The following BRINP1 variants were observed in gnomAD, a reference collection of about 807,000 sequenced individuals.
The protein encoded by BRINP1 is BMP/retinoic acid inducible neural specific 1.
A neutral mutation model predicts 72.9 loss-of-function variants in BRINP1; 17 were observed. That is an observed-to-expected ratio of 0.23 (90% CI 0.16 to 0.35). The LOEUF (loss-of-function observed/expected upper bound fraction) is 0.35, where lower values mean the gene tolerates loss of function less well. BRINP1 is among the 10% of genes least tolerant of loss of function. The pLI, the probability that BRINP1 is intolerant of heterozygous loss-of-function variation, is 1.00. For synonymous variants in BRINP1, 418 were observed against 378.5 expected, an observed-to-expected ratio of 1.10 and a Z score of -1.21; for missense variants, 850 against 1,001.6, an observed-to-expected ratio of 0.85 and a Z score of 2.04.
intron 2 of BRINP1, among the ~76,000 whole-genome samples, chr9:119,312,609 A>C (rs1051076086): frequency 6.6e-6 from 1 of 152,202 alleles, no homozygotes; most frequent in Non-Finnish European, 1.5e-5. Context: ...GCTTAACAAA[A>C]GGTTTCTTTA....
chr9:119,312,986 G>C, intron 2 of BRINP1, 152 bp downstream of exon 2: 1 of 783,944 alleles, frequency 1.3e-6, no homozygotes, highest in South Asian at 2.2e-5. Context: ...CTTGTGCAAA[G>C]AAAAAAAAAA....
At chr9:119,220,916 T>C (rs1480902088) in intron 5 of BRINP1, among the ~76,000 whole-genome samples, 3 of 152,152 alleles carry the variant, frequency 2.0e-5, no homozygotes, top group Non-Finnish European at 4.4e-5. Flanking sequence ...TCTAAGCCTT[T>C]CTTATGCAAG....
chr9:119,248,386 C>T (rs1417391193), intron 3 of BRINP1, among the ~76,000 whole-genome samples: 1 of 152,198 alleles, frequency 6.6e-6, no homozygotes, highest in East Asian at 1.9e-4. Context: ...CATTCATTGT[C>T]TTTGCATTTA....
chr9:119,235,644 A>AT (rs1030036115), intron 5 of BRINP1, among the ~76,000 whole-genome samples: 13 of 151,918 alleles, frequency 8.6e-5, no homozygotes, highest in African/African-American at 1.4e-4. Context: ...TCACGACTTT[A>AT]TTTTTTTTGT....
Position 119,168,155 on chromosome 9 carries a change from G to T in BRINP1, c.1215C>A (p.Thr405=). ...CGCAGCTCCGCTGGCTCTCCAGGAA[G>T]GTTCCCCAAAACCCATTCTCATTAC... ...LYCNENGFWG[T]FLESQRSCVC... Residue 405 remains threonine (T), a synonymous_variant, in exon 8 of 8, where the codon ACC becomes ACA. Transcript: ENST00000265922. 6.3e-7 allele frequency: 1 copy of T among 1,587,518 alleles called. No individual in the cohort carries two copies.
intron 5 of BRINP1, among the ~76,000 whole-genome samples, chr9:119,233,423 T>A (rs955603230): frequency 6.6e-6 from 1 of 152,044 alleles, no homozygotes; most frequent in East Asian, 1.9e-4. Flanking sequence ...AAAATAAATC[T>A]AATAAAAATA....
rs1398734981 is a variant in BRINP1, at chr9:119,192,587, C to A, written c.1145+16132G>T. 2.0e-5 allele frequency among the ~76,000 whole-genome samples: 3 copies of A among 151,936 alleles called. No individual in the cohort carries two copies. The East Asian group carries it at 5.8e-4, about 29-fold the overall frequency. On this transcript the variant is annotated intron_variant, in intron 7 of 7. Transcript: ENST00000265922. ...ATAAGGATGGCTATTATAAAAAAGA[C>A]AAGAGATAGCAAATGTTGGTGAGGG...
intron 7 of BRINP1, among the ~76,000 whole-genome samples, chr9:119,190,820 A>C (rs779195123): frequency 2.1e-4 from 32 of 152,036 alleles, no homozygotes; most frequent in Non-Finnish European, 2.9e-4. Context: ...CATCACCTTG[A>C]TATCTAAGCC....
intron 2 of BRINP1, among the ~76,000 whole-genome samples, chr9:119,307,113 G>A (rs77750059): frequency 0.028 from 4,241 of 151,012 alleles, 207 homozygotes; most frequent in African/African-American, 0.097. Flanking sequence ...GGTATTTAGC[G>A]GCATCCCAGA....
intron 1 of BRINP1, among the ~76,000 whole-genome samples, chr9:119,324,693 T>C (rs1252435062): frequency 6.6e-6 from 1 of 152,208 alleles, no homozygotes; most frequent in Non-Finnish European, 1.5e-5. Flanking sequence ...ATTGAGATAT[T>C]AGCTAGTAAA....
At chr9:119,361,568 T>C (rs1323951880) in intron 1 of BRINP1, among the ~76,000 whole-genome samples, 1 of 152,166 alleles carries the variant, frequency 6.6e-6, no homozygotes, top group African/African-American at 2.4e-5. Flanking sequence ...CTACTGTGTG[T>C]GTCTCTCTCT....
At chr9:119,344,048 T>C (rs1038752215) in intron 1 of BRINP1, among the ~76,000 whole-genome samples, 4 of 152,144 alleles carry the variant, frequency 2.6e-5, no homozygotes, top group African/African-American at 9.7e-5. Context: ...GTTGGGGAGA[T>C]GGTACAGATG....
rs146802258 is a variant in BRINP1 at position 119,167,180 on chromosome 9, C to A, written c.2190G>T (p.Leu730=). ...TCACCCTGATGATCTCGCTGTTGGT[C>A]AGTTTCAGGCGGTGTTTCAGCATAC... ...FSCMLKHRLK[L]TNSEIIRVNH... Residue 730 remains leucine, a synonymous_variant, in exon 8 of 8, where the codon CTG becomes CTT. Transcript: ENST00000265922. The surrounding 1 kb of genome is among the most constrained non-coding windows in gnomAD (Gnocchi z 4.3). The A allele has an allele frequency of 2.0e-5, 33 of 1,613,988 alleles. No homozygotes were observed. In the African/African-American group the frequency reaches 4.3e-4, roughly 21 times the overall value.
intron 1 of BRINP1, among the ~76,000 whole-genome samples, chr9:119,363,256 G>T (rs1298644786): frequency 1.3e-5 from 2 of 152,064 alleles, no homozygotes; most frequent in Non-Finnish European, 2.9e-5. Context: ...GTGCCCAGCT[G>T]TTTTTTTAAA....
intron 1 of BRINP1, among the ~76,000 whole-genome samples, chr9:119,340,662 C>T (rs1454104127): frequency 6.6e-6 from 1 of 152,152 alleles, no homozygotes; most frequent in Non-Finnish European, 1.5e-5. Context: ...TAAAGTAAGA[C>T]CCTAACTCAT....
intron 1 of BRINP1, among the ~76,000 whole-genome samples, chr9:119,325,184 A>G (rs929482673): frequency 9.9e-5 from 15 of 152,124 alleles, no homozygotes; most frequent in African/African-American, 3.1e-4. Context: ...CTCTGGAATG[A>G]GTGTTCATTA....
At chr9:119,267,731 T>A (rs1486059128) in intron 2 of BRINP1, among the ~76,000 whole-genome samples, 1 of 152,156 alleles carries the variant, frequency 6.6e-6, no homozygotes, top group African/African-American at 2.4e-5. Context: ...TTGTCTAGAT[T>A]GACAACATAA....
At chr9:119,186,995 G>A (rs1379175497) in intron 7 of BRINP1, among the ~76,000 whole-genome samples, 2 of 151,984 alleles carry the variant, frequency 1.3e-5, no homozygotes, top group African/African-American at 4.8e-5. Flanking sequence ...CCCAGAACCT[G>A]AGCCACTGAA....
At chr9:119,206,936 G>T (rs768145666) in intron 7 of BRINP1, among the ~76,000 whole-genome samples, 2 of 152,138 alleles carry the variant, frequency 1.3e-5, no homozygotes, top group African/African-American at 4.8e-5. Flanking sequence ...CAAGAAACTG[G>T]CAAAAGAAAT....
Sources: gnomAD v4.1 joint callset for allele counts (sites outside exome capture counted in the v4.1 genomes callset) on GRCh38, gnomAD v4.1.1 for gene constraint, Gnocchi (gnomAD v3.1) non-coding constraint, MANE v1.5 for transcripts, NCBI Gene and HGNC (gene_info 2026-07-23, HGNC 2026-07-21) for gene names.